Variants in CDC40 observed in about 807,000 individuals in gnomAD.
The protein encoded by CDC40 is pre-mRNA-processing factor 17.
In CDC40, 27 loss-of-function variants were observed where a neutral mutation model predicts 80.6. The observed-to-expected ratio is 0.33, with a 90% CI of 0.25 to 0.46. The LOEUF is 0.46. CDC40 is among the 20% of genes least tolerant of loss of function. CDC40 has a pLI of 1.00. For missense variants in CDC40, 486 were observed against 694.1 expected (o/e 0.70, Z 3.37); for synonymous variants, 221 against 232.6 (o/e 0.95, Z 0.45).
chr6:110,201,788 AT>A (rs1355813965), intron 3 of CDC40, 101 bp downstream of exon 3: 8 of 937,642 alleles, frequency 8.5e-6, no homozygotes, highest in Non-Finnish European at 1.3e-5. Flanking sequence ...AATTCACTGG[AT>A]TCCTTCAGAA....
intron 12 of CDC40, among the ~76,000 whole-genome samples, chr6:110,220,884 A>G (rs532257317): frequency 5.9e-5 from 9 of 152,296 alleles, no homozygotes; most frequent in Admixed American, 5.2e-4. Flanking sequence ...CCCGTGATTC[A>G]GTTATCTCCC....
rs184889531 is a variant in CDC40, at chr6:110,214,691, T to G, written c.943-595T>G. ...TTCTATTTTAGAGTACTAGCAACAT[T>G]GTTGAGAATTGGATTCAAGGCAGTC... On this transcript the variant is annotated intron_variant, in intron 8 of 14. Coordinates refer to ENST00000307731, the MANE Select transcript of CDC40 (RefSeq NM_015891.3). 1.1e-4 allele frequency among the ~76,000 whole-genome samples: 16 copies of G among 152,278 alleles called. No individual in the cohort carries two copies. In the East Asian group the frequency reaches 3.1e-3, roughly 29 times the overall value.
rs756288477 is a variant in CDC40 at position 110,232,100 on chromosome 6, AATC to A, written c.*1975_*1977del. The A allele has an allele frequency of 2.0e-5, 3 of 152,212 alleles. No individual in the cohort carries two copies. The highest frequency in any genetic ancestry group is 2.9e-5 in the Non-Finnish European group (2 of 67,952). The allele number at this position is 152,212 out of a possible 1,614,324, so 9.4% of individuals were successfully genotyped here. A position where few individuals can be genotyped will look rare whatever the true frequency, so the allele number is the denominator to read the frequency against. On this transcript the variant is annotated 3_prime_UTR_variant, in exon 15 of 15. Coordinates refer to ENST00000307731, the MANE Select transcript of CDC40 (RefSeq NM_015891.3). Reference sequence around the variant, plus strand: ...CAGCATACCAATATTGTATGTTACAAATCATCATTTCTAAATCTGGATTGATTC... The same window carrying A: ...CAGCATACCAATATTGTATGTTACAAATCATTTCTAAATCTGGATTGATTC...
rs941702851 is a variant in CDC40 at position 110,215,197 on chromosome 6, C to T, written c.943-89C>T. On this transcript the variant is annotated intron_variant, in intron 8 of 14. Transcript: ENST00000307731. ...GTGCGTTTACACACACAGATGTGCA[C>T]ACACATAACCAGCATAGGGCTGTTG... 5.2e-6 allele frequency: 5 copies of T among 957,610 alleles called. No individual in the cohort carries two copies. The African/African-American group carries it at 8.1e-5, about 16-fold the overall frequency. The allele number at this position is 957,610 out of a possible 1,614,324, so 59.3% of individuals were successfully genotyped here.
intron 2 of CDC40, among the ~76,000 whole-genome samples, chr6:110,197,760 T>C (rs1384994953): frequency 6.6e-6 from 1 of 152,140 alleles, no homozygotes; most frequent in Non-Finnish European, 1.5e-5. Context: ...AATGACAAGA[T>C]TTCCTTCTTT....
intron 9 of CDC40, 138 bp downstream of exon 9, chr6:110,215,469 GT>G: frequency 1.4e-6 from 1 of 722,436 alleles, no homozygotes; most frequent in Non-Finnish European, 2.4e-6. Flanking sequence ...AGGAGTCAGT[GT>G]CCCCAGTTAG....
intron 8 of CDC40, among the ~76,000 whole-genome samples, chr6:110,213,897 GAATATGC>G (rs1277390172): frequency 6.6e-6 from 1 of 152,106 alleles, no homozygotes; most frequent in Non-Finnish European, 1.5e-5. Context: ...ATCTCAACCT[GAATATGC>G]AGGATGTCTT....
intron 3 of CDC40, 94 bp downstream of exon 3, chr6:110,201,781 T>A: frequency 1.0e-6 from 1 of 998,014 alleles, no homozygotes; most frequent in Non-Finnish European, 1.5e-6. Flanking sequence ...CTTTTAAAAT[T>A]CACTGGATTC....
intron 3 of CDC40, among the ~76,000 whole-genome samples, chr6:110,206,592 G>A (rs79844316): frequency 0.033 from 4,994 of 152,188 alleles, 145 homozygotes; most frequent in South Asian, 0.12. Flanking sequence ...AAGCACATTC[G>A]TATGCTGGTA....
chr6:110,182,756 A>G (rs886140252), intron 1 of CDC40, among the ~76,000 whole-genome samples: 5 of 152,018 alleles, frequency 3.3e-5, no homozygotes, highest in African/African-American at 1.2e-4. Flanking sequence ...TTCTGCTGCC[A>G]CTGTTTAGTT....
At chr6:110,214,900 A>G (rs1777679538) in intron 8 of CDC40, among the ~76,000 whole-genome samples, 1 of 152,226 alleles carries the variant, frequency 6.6e-6, no homozygotes, top group Non-Finnish European at 1.5e-5. Context: ...TTTAATAACA[A>G]TTCCTTTAAA....
chr6:110,215,561 A>T (rs184249287), intron 9 of CDC40, among the ~76,000 whole-genome samples: 3 of 152,206 alleles, frequency 2.0e-5, no homozygotes, highest in African/African-American at 7.2e-5. Flanking sequence ...GAGGGGATCC[A>T]CGTACATTTC....
chr6:110,216,482 A>G (rs4947058), intron 9 of CDC40, among the ~76,000 whole-genome samples: 28,685 of 152,114 alleles, frequency 0.19, 3,537 homozygotes, highest in African/African-American at 0.35. Context: ...AAATGTCTCC[A>G]TCAGATAGAG....
intron 3 of CDC40, among the ~76,000 whole-genome samples, chr6:110,207,230 G>A (rs951971227): frequency 2.0e-5 from 3 of 150,732 alleles, no homozygotes; most frequent in Non-Finnish European, 1.5e-5. Flanking sequence ...CAGGAGAATT[G>A]CTTGAGCCTG....
chr6:110,223,867 C>T (rs531763518), intron 12 of CDC40, among the ~76,000 whole-genome samples: 2 of 148,580 alleles, frequency 1.3e-5, no homozygotes, highest in Admixed American at 1.4e-4. Context: ...GAGTCTCGCT[C>T]TGTCACCCAG....
chr6:110,214,161 T>G lies in CDC40; in HGVS notation c.942+1001T>G, dbSNP rs149153839. 1.8e-4 allele frequency among the ~76,000 whole-genome samples: 28 copies of G among 152,334 alleles called. 1 individual carries two copies. In the East Asian group the frequency reaches 4.4e-3, roughly 24 times the overall value. On this transcript the variant is annotated intron_variant, in intron 8 of 14. Transcript: ENST00000307731. Reference sequence around the variant, plus strand: ...AGCTTAAAATGACAGGCCAACATTTTGGAGTAAAAACCCCCATTTTACTTA... The same window carrying G: ...AGCTTAAAATGACAGGCCAACATTTGGGAGTAAAAACCCCCATTTTACTTA...
chr6:110,209,872 C>T (rs964347028), intron 5 of CDC40, among the ~76,000 whole-genome samples: 1 of 152,064 alleles, frequency 6.6e-6, no homozygotes, highest in Non-Finnish European at 1.5e-5. Context: ...GATGAATAAA[C>T]TTATTCTACT....
At chr6:110,218,975 T>C (rs564466531) in intron 10 of CDC40, among the ~76,000 whole-genome samples, 1 of 152,162 alleles carries the variant, frequency 6.6e-6, no homozygotes, top group Admixed American at 6.6e-5. Context: ...TTTGTCATCA[T>C]TTTCCTCTTC....
At position 110,224,496 on chromosome 6, in the gene CDC40, C is replaced by G. The variant is rs1777826014; in HGVS notation, c.1341-1671C>G. ...CTCCACCTCCTGGCTTCAAGCAATT[C>G]TCCTGCCTCAGCCTCCCAAGTAGCT... On this transcript the variant is annotated intron_variant, in intron 12 of 14. Coordinates refer to ENST00000307731, the MANE Select transcript of CDC40 (RefSeq NM_015891.3). 3 of 152,232 alleles carry G rather than the reference C, an allele frequency of 2.0e-5. No homozygotes were observed. The South Asian group carries it at 6.2e-4, about 32-fold the overall frequency. 9.4% of individuals were successfully genotyped at this position (152,232 alleles called of 1,614,324 possible).
Sources: allele counts gnomAD v4.1 joint callset (sites outside exome capture counted in the v4.1 genomes callset), GRCh38; gene constraint gnomAD v4.1.1; transcripts MANE v1.5; gene names NCBI Gene and HGNC (gene_info 2026-07-23, HGNC 2026-07-21).